Variants in ART3 observed in about 807,000 individuals in gnomAD.
The protein encoded by ART3 is ecto-ADP-ribosyltransferase 3.
ART3 carries 49 observed loss-of-function variants against 48.5 expected under a neutral mutation model. That is an observed-to-expected ratio of 1.01 (90% CI 0.80 to 1.28). The LOEUF (loss-of-function observed/expected upper bound fraction) is 1.28. Among genes scored for constraint, ART3 ranks in the 50% most tolerant of loss-of-function variants. The pLI, the probability that ART3 is intolerant of heterozygous loss-of-function variation, is 0.00. For missense variants in ART3, 438 were observed against 454.3 expected (o/e 0.96, Z 0.33); for synonymous variants, 145 against 157.2 (o/e 0.92, Z 0.58).
chr4:76,029,002 G>A (rs927394403), intron 1 of ART3, among the ~76,000 whole-genome samples: 2 of 152,110 alleles, frequency 1.3e-5, no homozygotes, highest in African/African-American at 4.8e-5. Context: ...AATGTGTTTG[G>A]GGGAAGTATG....
chr4:76,092,474 T>C (rs1725112717), intron 3 of ART3, among the ~76,000 whole-genome samples: 1 of 152,226 alleles, frequency 6.6e-6, no homozygotes, highest in East Asian at 1.9e-4. Flanking sequence ...TTTACTTAAA[T>C]TGCTTCTGAC....
At chr4:76,104,288 C>A in intron 9 of ART3, 1 of 925,272 alleles carries the variant, frequency 1.1e-6, no homozygotes, top group Non-Finnish European at 1.3e-6. Flanking sequence ...CAATAGAAAC[C>A]TACCTTTACG....
At chr4:76,056,254 G>A (rs1718675362) in intron 1 of ART3, among the ~76,000 whole-genome samples, 1 of 152,168 alleles carries the variant, frequency 6.6e-6, no homozygotes, top group South Asian at 2.1e-4. Flanking sequence ...AACCCTTGAA[G>A]TTTGAGTTTA....
intron 1 of ART3, among the ~76,000 whole-genome samples, chr4:76,025,219 C>T (rs1158091722): frequency 6.6e-6 from 1 of 152,062 alleles, no homozygotes; most frequent in African/African-American, 2.4e-5. Context: ...CCTTCCATAC[C>T]TATTTGTGCA....
rs760437717 is a variant in ART3 at position 76,022,776 on chromosome 4, T to C, written c.-10+11456T>C. On this transcript the variant is annotated intron_variant, in intron 1 of 9. Coordinates refer to the ART3 transcript ENST00000341029. ...CTTGGATTAACAGGTTGATTACTAA[T>C]GCTGATGCAGGTACAGCGTACAGTT... 3.7e-6 allele frequency: 6 copies of C among 1,613,062 alleles called. No homozygotes were observed. The South Asian group carries it at 6.6e-5, about 18-fold the overall frequency.
chr4:76,072,018 G>A (rs1720367913), upstream of ART3, among the ~76,000 whole-genome samples: 1 of 152,172 alleles, frequency 6.6e-6, no homozygotes, highest in African/African-American at 2.4e-5. Context: ...CTGGGCTCAA[G>A]AGATCTTCCT....
intron 1 of ART3, chr4:76,022,092 T>A: frequency 1.2e-6 from 1 of 851,194 alleles, no homozygotes; most frequent in Non-Finnish European, 1.9e-6. Context: ...TAGGGGTTGC[T>A]TTTTTCAACC....
At position 76,033,010 on chromosome 4, in the gene ART3, G is replaced by A. The variant is rs183702143; in HGVS notation, c.-10+21690G>A. 4.0e-5 allele frequency among the ~76,000 whole-genome samples: 6 copies of A among 151,720 alleles called. No homozygotes were observed. The East Asian group carries it at 1.2e-3, about 29-fold the overall frequency. On this transcript the variant is annotated intron_variant, in intron 1 of 9. Coordinates refer to the ART3 transcript ENST00000341029. ...TTGTATCTATAACCTATATAATAAT[G>A]CAATATAGATATATCTGATTATAAT...
chr4:76,098,037 A>G (rs942634674), intron 4 of ART3, among the ~76,000 whole-genome samples: 1 of 152,184 alleles, frequency 6.6e-6, no homozygotes, highest in African/African-American at 2.4e-5. Flanking sequence ...CTCCTATGCA[A>G]AGAGCTAGCT....
intron 11 of ART3, among the ~76,000 whole-genome samples, chr4:76,110,134 G>T (rs142248596): frequency 6.6e-6 from 1 of 152,130 alleles, no homozygotes; most frequent in East Asian, 1.9e-4. Context: ...ATCTTGCAGA[G>T]ATTAGTGTTT....
intron 2 of ART3, among the ~76,000 whole-genome samples, chr4:76,081,541 T>C (rs148368376): frequency 9.4e-4 from 143 of 152,368 alleles, no homozygotes; most frequent in Non-Finnish European, 1.6e-3. Context: ...ACATCCATTG[T>C]TCTTTGCTCT....
At chr4:76,092,586 C>T (rs1388418231) in intron 3 of ART3, among the ~76,000 whole-genome samples, 2 of 152,094 alleles carry the variant, frequency 1.3e-5, no homozygotes, top group Admixed American at 6.6e-5. Context: ...CTTATTTGGA[C>T]CAATTTGATT....
At chr4:76,081,744 G>C in intron 2 of ART3, 80 bp from the exon 3 acceptor site, 3 of 1,440,578 alleles carry the variant, frequency 2.1e-6, no homozygotes, top group Non-Finnish European at 2.8e-6. Context: ...GGGATGAGAA[G>C]GTGGGGGTAA....
At chr4:76,072,671 G>T (rs1720438190), upstream of ART3, among the ~76,000 whole-genome samples, 1 of 150,320 alleles carries the variant, frequency 6.7e-6, no homozygotes, top group African/African-American at 2.5e-5. Flanking sequence ...CCTGTGATTT[G>T]CTCCTTTTCT....
chr4:76,108,111 G>T (rs1416807802), intron 11 of ART3, among the ~76,000 whole-genome samples: 2 of 151,216 alleles, frequency 1.3e-5, no homozygotes, highest in African/African-American at 4.8e-5. Flanking sequence ...AAAGAACAGT[G>T]GTTCTCAACC....
intron 1 of ART3, among the ~76,000 whole-genome samples, chr4:76,044,447 G>T (rs1218282890): frequency 1.3e-5 from 2 of 151,988 alleles, no homozygotes; most frequent in South Asian, 4.2e-4. Flanking sequence ...GTTATTTCTT[G>T]CAAACTGTCT....
At chr4:76,028,487 C>G (rs898007929) in intron 1 of ART3, among the ~76,000 whole-genome samples, 1 of 152,178 alleles carries the variant, frequency 6.6e-6, no homozygotes, top group Admixed American at 6.5e-5. Flanking sequence ...AACAGTCTGC[C>G]CTGACAAACT....
upstream of ART3, among the ~76,000 whole-genome samples, chr4:76,070,630 T>C (rs916428484): frequency 1.3e-5 from 2 of 152,204 alleles, no homozygotes; most frequent in African/African-American, 4.8e-5. Context: ...TACAACCATC[T>C]TAAGTGATTT....
At chr4:76,084,917 T>C (rs1301283234) in intron 3 of ART3, among the ~76,000 whole-genome samples, 2 of 152,208 alleles carry the variant, frequency 1.3e-5, no homozygotes, top group East Asian at 3.8e-4. Flanking sequence ...AGTACTCTCG[T>C]ACCAATCCTG....
Sources: gnomAD v4.1 joint callset for allele counts (sites outside exome capture counted in the v4.1 genomes callset) on GRCh38, gnomAD v4.1.1 for gene constraint, MANE v1.5 for transcripts, NCBI Gene and HGNC (gene_info 2026-07-23, HGNC 2026-07-21) for gene names.